Variants in CHRM5 observed in about 807,000 individuals in gnomAD.
CHRM5 encodes muscarinic acetylcholine receptor M5.
Under a neutral mutation model 39.0 loss-of-function variants are expected in CHRM5, and 18 were observed. The observed-to-expected ratio is 0.46, with a 90% CI of 0.32 to 0.68. The LOEUF (loss-of-function observed/expected upper bound fraction) is 0.68. CHRM5 is among the 30% of genes least tolerant of loss of function. The pLI, the probability that CHRM5 is intolerant of heterozygous loss-of-function variation, is 0.04. For synonymous variants in CHRM5, 241 were observed against 246.3 expected (o/e 0.98, Z 0.20); for missense variants, 515 against 651.1 (o/e 0.79, Z 2.28).
chr15:34,038,668 C>CGCCGG, intron 1 of CHRM5: 3 of 925,962 alleles, frequency 3.2e-6, no homozygotes, highest in Non-Finnish European at 4.0e-6. Context: ...GCCGGCGCCG[C>CGCCGG]CGCCCGTCTG....
chr15:34,022,115 T>G (rs1898228051), intron 1 of CHRM5, among the ~76,000 whole-genome samples: 1 of 152,246 alleles, frequency 6.6e-6, no homozygotes, highest in Admixed American at 6.5e-5. Flanking sequence ...TGCATGACAT[T>G]TGAAAGCTGT....
intron 1 of CHRM5, among the ~76,000 whole-genome samples, chr15:34,034,369 A>G (rs572177112): frequency 5.3e-5 from 8 of 151,838 alleles, no homozygotes; most frequent in Non-Finnish European, 1.2e-4. Flanking sequence ...TGAGTACAGC[A>G]GTTGAAGGCA....
chr15:34,040,237 G>C (rs1463892174), intron 1 of CHRM5, among the ~76,000 whole-genome samples: 1 of 152,148 alleles, frequency 6.6e-6, no homozygotes, highest in Non-Finnish European at 1.5e-5. Context: ...CTAGTCGTGT[G>C]AATAGATGAT....
chr15:34,001,030 T>TTC (rs1897117326), intron 1 of CHRM5, among the ~76,000 whole-genome samples: 1 of 151,428 alleles, frequency 6.6e-6, no homozygotes, highest in Non-Finnish European at 1.5e-5. Flanking sequence ...TTTTTTTTTT[T>TTC]TTTTTTTGAG....
In CHRM5 at chr15:34,065,358, A is replaced by G. The variant is rs887311399; in HGVS notation, c.*1042A>G. 2 of 152,262 alleles carry G rather than the reference A, an allele frequency of 1.3e-5. No individual in the cohort carries two copies. The highest frequency in any genetic ancestry group is 4.8e-5 in the African/African-American group (2 of 41,466). The allele number at this position is 152,262 out of a possible 1,614,324, so 9.4% of individuals were successfully genotyped here. On this transcript the variant is annotated 3_prime_UTR_variant, in exon 3 of 3. Transcript: ENST00000383263. ...ACAGATTTGCTTTTGAATTTCTTCCAGAGCCCTTTTGCAGCCTCCAATTTC... is the reference window on the plus strand; with the variant it reads ...ACAGATTTGCTTTTGAATTTCTTCCGGAGCCCTTTTGCAGCCTCCAATTTC...
At chr15:33,999,620 T>G (rs1484589165) in intron 1 of CHRM5, among the ~76,000 whole-genome samples, 1 of 152,170 alleles carries the variant, frequency 6.6e-6, no homozygotes, top group African/African-American at 2.4e-5. Flanking sequence ...CATTTGCAAG[T>G]GCTCTCTGCT....
intron 1 of CHRM5, among the ~76,000 whole-genome samples, chr15:33,985,155 T>G (rs1896368462): frequency 6.6e-6 from 1 of 152,052 alleles, no homozygotes; most frequent in Admixed American, 6.5e-5. Flanking sequence ...AGATTCCACC[T>G]TATCTGTAAG....
In CHRM5 at chr15:34,042,408, T is replaced by G. The variant is rs185676189; in HGVS notation, c.-407-4132T>G. ...ATACATGACCTAAGTTTTTTTTTTT[T>G]TTTTTTTTTGAGACGGAGTTTCGCA... is the stretch of plus-strand genomic sequence containing the variant. On this transcript the variant is annotated intron_variant, in intron 1 of 2. Coordinates refer to ENST00000383263, the MANE Select transcript of CHRM5 (RefSeq NM_012125.4). 7.5e-3 allele frequency among the ~76,000 whole-genome samples: 1,128 copies of G among 150,782 alleles called. 6 individuals carry two copies. Among genetic ancestry groups the G allele is most frequent in the African/African-American group, 0.02 (799 of 40,938 alleles).
chr15:34,008,954 G>A (rs2632071), intron 1 of CHRM5, among the ~76,000 whole-genome samples: 41,874 of 102,842 alleles, frequency 0.41, 7,271 homozygotes, highest in African/African-American at 0.51. Context: ...GTGCGCGCGC[G>A]CACACACACA....
At chr15:34,017,655 T>C (rs1482467552) in intron 1 of CHRM5, among the ~76,000 whole-genome samples, 1 of 152,044 alleles carries the variant, frequency 6.6e-6, no homozygotes, top group Admixed American at 6.6e-5. Context: ...AATTTTTGTA[T>C]TTTTAGTAGA....
intron 1 of CHRM5, among the ~76,000 whole-genome samples, chr15:34,011,613 C>G (rs1021044431): frequency 3.9e-5 from 6 of 152,054 alleles, no homozygotes; most frequent in African/African-American, 1.2e-4. Context: ...ATGGAAAAAG[C>G]AGAGGGGAAG....
At chr15:34,043,171 T>C (rs543442211) in intron 1 of CHRM5, among the ~76,000 whole-genome samples, 2 of 149,916 alleles carry the variant, frequency 1.3e-5, no homozygotes, top group African/African-American at 2.5e-5. Flanking sequence ...GGCGTGAACC[T>C]GGGAGGCAGA....
intron 1 of CHRM5, among the ~76,000 whole-genome samples, chr15:33,992,465 C>G (rs61134341): frequency 0.089 from 13,554 of 152,044 alleles, 698 homozygotes; most frequent in South Asian, 0.21. Flanking sequence ...TTTTTGTTAT[C>G]GGAGTTTTCC....
At chr15:33,978,627 C>T (rs945482072) in intron 1 of CHRM5, among the ~76,000 whole-genome samples, 1 of 151,962 alleles carries the variant, frequency 6.6e-6, no homozygotes, top group African/African-American at 2.4e-5. Flanking sequence ...TACGCCACTG[C>T]ATGCCAGCCT....
At chr15:34,020,093 C>T (rs1212679504) in intron 1 of CHRM5, among the ~76,000 whole-genome samples, 1 of 152,082 alleles carries the variant, frequency 6.6e-6, no homozygotes, top group East Asian at 1.9e-4. Flanking sequence ...GGGTGGATCA[C>T]AAGGTCAGGA....
At chr15:34,007,829 T>C (rs1239812759) in intron 1 of CHRM5, among the ~76,000 whole-genome samples, 1 of 152,170 alleles carries the variant, frequency 6.6e-6, no homozygotes, top group Non-Finnish European at 1.5e-5. Context: ...GAGAATCTAT[T>C]CCATGACCTT....
chr15:34,021,290 C>CTT (rs911480926), intron 1 of CHRM5, among the ~76,000 whole-genome samples: 1 of 145,672 alleles, frequency 6.9e-6, no homozygotes. Context: ...TTTTCTGTAT[C>CTT]TTTTTTTTTT....
At chr15:34,061,317 A>G (rs1384715938) in intron 2 of CHRM5, among the ~76,000 whole-genome samples, 1 of 152,226 alleles carries the variant, frequency 6.6e-6, no homozygotes, top group African/African-American at 2.4e-5. Flanking sequence ...ATTTGTCAAC[A>G]GAGGGTTAAT....
intron 1 of CHRM5, among the ~76,000 whole-genome samples, chr15:34,020,227 C>T (rs1237895452): frequency 2.6e-5 from 4 of 151,824 alleles, no homozygotes; most frequent in Non-Finnish European, 5.9e-5. Context: ...AGGAGAATGG[C>T]GTGAACCAGG....
Sources: gnomAD v4.1 joint callset for allele counts (sites outside exome capture counted in the v4.1 genomes callset) on GRCh38, gnomAD v4.1.1 for gene constraint, MANE v1.5 for transcripts, NCBI Gene and HGNC (gene_info 2026-07-23, HGNC 2026-07-21) for gene names.